Variants in PCDHGC3 observed in about 807,000 individuals in gnomAD.
PCDHGC3 encodes protocadherin gamma-C3.
PCDHGC3 carries 26 observed loss-of-function variants against 59.2 expected under a neutral mutation model. The observed-to-expected ratio is 0.44, with a 90% CI of 0.32 to 0.61. The LOEUF is 0.61. PCDHGC3 is among the 20% of genes least tolerant of loss of function. PCDHGC3 has a pLI of 0.05. For missense variants in PCDHGC3, 1,080 were observed against 1,221.8 expected (o/e 0.88, Z 1.73); for synonymous variants, 487 against 519.7 (o/e 0.94, Z 0.86).
At chr5:141,501,516 C>A (rs763346187) in intron 2 of PCDHGC3, among the ~76,000 whole-genome samples, 1 of 152,010 alleles carries the variant, frequency 6.6e-6, no homozygotes, top group Non-Finnish European at 1.5e-5. Flanking sequence ...GGCCTCCAAG[C>A]TGAAGCCCAG....
chr5:141,481,257 A>T (rs2099534664), intron 1 of PCDHGC3, among the ~76,000 whole-genome samples: 1 of 152,172 alleles, frequency 6.6e-6, no homozygotes, highest in African/African-American at 2.4e-5. Context: ...GCTCTAAAAG[A>T]TCACTGTAGG....
In PCDHGC3 at chr5:141,491,925, G is replaced by A. The variant is rs1019181943; in HGVS notation, c.2431-2882G>A. 5 of 1,325,176 alleles carry A rather than the reference G, an allele frequency of 3.8e-6. No homozygotes were observed. In the Admixed American group the frequency reaches 1.5e-4, roughly 39 times the overall value. 82.1% of individuals were successfully genotyped at this position (1,325,176 alleles called of 1,614,324 possible). A position where few individuals can be genotyped will look rare whatever the true frequency, so the allele number is the denominator to read the frequency against. On this transcript the variant is annotated intron_variant, in intron 1 of 3. Coordinates refer to ENST00000308177, the MANE Select transcript of PCDHGC3 (RefSeq NM_002588.4). The surrounding 1 kb of genome is among the most constrained non-coding windows in gnomAD (Gnocchi z 6.9). ...GGGTGGTGGCGACTGTGGGCGAGGG[G>A]AGGTGGGACCGACCCCCACCCCTAC...
At position 141,491,658 on chromosome 5, in the gene PCDHGC3, C is replaced by A; in HGVS notation, c.2431-3149C>A. 1 of 1,613,822 alleles carries A rather than the reference C, an allele frequency of 6.2e-7. No homozygotes were observed. The highest frequency in any genetic ancestry group is 8.5e-7 in the Non-Finnish European group (1 of 1,180,016). On this transcript the variant is annotated intron_variant, in intron 1 of 3. Coordinates refer to ENST00000308177, the MANE Select transcript of PCDHGC3 (RefSeq NM_002588.4). The surrounding 1 kb of genome is among the most constrained non-coding windows in gnomAD (Gnocchi z 6.9). ...CCACAGCTCTGGCGCTGGAGCCTGA[C>A]GCCATCCGGTCCCGCTCTAATACGC... is the stretch of plus-strand genomic sequence containing the variant.
In PCDHGC3 at chr5:141,493,668, GC is replaced by G. The variant is rs1178535601; in HGVS notation, c.2431-1135del. On this transcript the variant is annotated intron_variant, in intron 1 of 3. Coordinates refer to ENST00000308177, the MANE Select transcript of PCDHGC3 (RefSeq NM_002588.4). This position sits in a 1 kb window ranked among gnomAD's most constrained non-coding sequence, Gnocchi z 4.3. ...CATCCCTGTGCCCTTCTCCATGGCAGCCCCAGAATGGTGCTGGTGACTCCCG... is the reference window on the plus strand; with the variant it reads ...CATCCCTGTGCCCTTCTCCATGGCAGCCCAGAATGGTGCTGGTGACTCCCG... Among the ~76,000 whole-genome samples the G allele has an allele frequency of 6.6e-6, 1 of 152,140 alleles. No individual in the cohort carries two copies. The highest frequency in any genetic ancestry group is 2.4e-5 in the African/African-American group (1 of 41,422).
rs1292747996 is a variant in PCDHGC3, at chr5:141,475,972, T to C, written c.-145T>C. 2.0e-5 allele frequency: 19 copies of C among 963,712 alleles called. No individual in the cohort carries two copies. In the East Asian group the frequency reaches 3.4e-4, roughly 17 times the overall value. The allele number at this position is 963,712 out of a possible 1,614,324, so 59.7% of individuals were successfully genotyped here. A position where few individuals can be genotyped will look rare whatever the true frequency, so the allele number is the denominator to read the frequency against. ...CTGCGCCCCGGGATGAGGCAGAGAC[T>C]GAACAGCCGGCGAGCAAATCAACGG... On this transcript the variant is annotated 5_prime_UTR_variant, in exon 1 of 4. Transcript: ENST00000308177.
Position 141,491,574 on chromosome 5 carries a change from T to G in PCDHGC3, c.2431-3233T>G. Reference sequence around the variant, plus strand: ...AGAGCCACTGCTACAGGACGTGCTTTTCACCGGCCTCGGACGGCAGTGACT... The same window carrying G: ...AGAGCCACTGCTACAGGACGTGCTTGTCACCGGCCTCGGACGGCAGTGACT... On this transcript the variant is annotated intron_variant, in intron 1 of 3. Transcript: ENST00000308177. This position sits in a 1 kb window ranked among gnomAD's most constrained non-coding sequence, Gnocchi z 6.9. The G allele has an allele frequency of 6.2e-7, 1 of 1,613,956 alleles. No homozygotes were observed. Among genetic ancestry groups the G allele is most frequent in the Non-Finnish European group, 8.5e-7 (1 of 1,180,032 alleles).
At chr5:141,481,703 C>T (rs909197135) in intron 1 of PCDHGC3, among the ~76,000 whole-genome samples, 1 of 152,090 alleles carries the variant, frequency 6.6e-6, no homozygotes, top group Admixed American at 6.5e-5. Context: ...CCTGTAATCC[C>T]AGCACTTTGG....
In PCDHGC3 at chr5:141,511,406, G is replaced by C; in HGVS notation, c.*233G>C. The C allele has an allele frequency of 1.1e-6, 1 of 942,018 alleles. No individual in the cohort carries two copies. The highest frequency in any genetic ancestry group is 1.7e-5 in the African/African-American group (1 of 60,280). The allele number at this position is 942,018 out of a possible 1,614,324, so 58.4% of individuals were successfully genotyped here. ...GCTGGGAACCCCCATCCAATCAACT[G>C]CTGTACCCATGGGGGTAGTGGGGTT... On this transcript the variant is annotated 3_prime_UTR_variant, in exon 4 of 4. Coordinates refer to ENST00000308177, the MANE Select transcript of PCDHGC3 (RefSeq NM_002588.4).
intron 3 of PCDHGC3, among the ~76,000 whole-genome samples, chr5:141,509,068 G>A (rs1267011061): frequency 6.6e-6 from 1 of 152,144 alleles, no homozygotes; most frequent in Non-Finnish European, 1.5e-5. Flanking sequence ...TCTCAGCTCC[G>A]GGGATTTGCG....
chr5:141,491,483 A>ACCTGCAGGTGAGCTCGG lies in PCDHGC3; in HGVS notation c.2431-3323_2431-3307dup. The ACCTGCAGGTGAGCTCGG allele has an allele frequency of 3.1e-6, 5 of 1,614,018 alleles. No individual in the cohort carries two copies. The highest frequency in any genetic ancestry group is 4.2e-6 in the Non-Finnish European group (5 of 1,180,012). ...GACTTCTATAAGCAGTCCAGCCCCAACCTGCAGGTGAGCTCGGACGGCACG... is the reference window on the plus strand; with the variant it reads ...GACTTCTATAAGCAGTCCAGCCCCAACCTGCAGGTGAGCTCGGCCTGCAGGTGAGCTCGGACGGCACG... On this transcript the variant is annotated intron_variant, in intron 1 of 3. Coordinates refer to ENST00000308177, the MANE Select transcript of PCDHGC3 (RefSeq NM_002588.4). The surrounding 1 kb of genome is among the most constrained non-coding windows in gnomAD (Gnocchi z 6.9).
chr5:141,507,901 G>T (rs1332204823), intron 3 of PCDHGC3, among the ~76,000 whole-genome samples: 1 of 152,216 alleles, frequency 6.6e-6, no homozygotes, highest in Non-Finnish European at 1.5e-5. Flanking sequence ...CTGAAGTCCA[G>T]CCCAGCCAGG....
At position 141,490,006 on chromosome 5, in the gene PCDHGC3, C is replaced by T; in HGVS notation, c.2431-4801C>T. The stretch of plus-strand genomic sequence containing the variant: ...ACGTGTGGGAATCCCAGAGAATGCA[C>T]CCATTGGTACTCTGCTGCTCCGCCT... On this transcript the variant is annotated intron_variant, in intron 1 of 3. Coordinates refer to ENST00000308177, the MANE Select transcript of PCDHGC3 (RefSeq NM_002588.4). This position sits in a 1 kb window ranked among gnomAD's most constrained non-coding sequence, Gnocchi z 5.4. 2 of 1,614,222 alleles carry T rather than the reference C, an allele frequency of 1.2e-6. No homozygotes were observed. The highest frequency in any genetic ancestry group is 1.7e-6 in the Non-Finnish European group (2 of 1,180,010).
intron 1 of PCDHGC3, 82 bp downstream of exon 1, chr5:141,478,628 T>G (rs1245431927): frequency 6.4e-7 from 1 of 1,553,704 alleles, no homozygotes; most frequent in African/African-American, 1.4e-5. Context: ...GAGCTGTTTT[T>G]TTAGTGATGA....
chr5:141,477,890 C>T lies in PCDHGC3; in HGVS notation c.1774C>T (p.Arg592Trp), dbSNP rs202114426. ...TACCTCAGCTGGCCACCTAGTGTCA[C>T]GGGTGGTAGGCTGGGACGCGGATGC... is the stretch of plus-strand genomic sequence containing the variant. ...RGTSAGHLVS[R>W]VVGWDADAGH... Residue 592 changes from arginine (R) to tryptophan (W), a missense_variant, in exon 1 of 4, where the codon CGG (arginine) becomes TGG (tryptophan). Coordinates refer to ENST00000308177, the MANE Select transcript of PCDHGC3 (RefSeq NM_002588.4). This position sits in a 1 kb window ranked among gnomAD's most constrained non-coding sequence, Gnocchi z 4.9. 9.9e-6 allele frequency: 16 copies of T among 1,614,086 alleles called. No individual in the cohort carries two copies. Among genetic ancestry groups the T allele is most frequent in the Admixed American group, 1.7e-5 (1 of 60,006 alleles).
Position 141,485,220 on chromosome 5 carries a change from C to T in PCDHGC3, c.2430+6674C>T. The T allele has an allele frequency of 6.2e-7, 1 of 1,614,192 alleles. No homozygotes were observed. The highest frequency in any genetic ancestry group is 8.5e-7 in the Non-Finnish European group (1 of 1,180,024). On this transcript the variant is annotated intron_variant, in intron 1 of 3. Transcript: ENST00000308177. This position sits in a 1 kb window ranked among gnomAD's most constrained non-coding sequence, Gnocchi z 5.7. ...TGGACAGAAATCTGGCGGTGGGCTA[C>T]CCTTTTGTTCCTCTTTTACCACCTG... is the stretch of plus-strand genomic sequence containing the variant.
At position 141,476,638 on chromosome 5, in the gene PCDHGC3, G is replaced by A. The variant is rs997136356; in HGVS notation, c.522G>A (p.Leu174=). Residue 174 remains leucine (L), a synonymous_variant, in exon 1 of 4, where the codon CTG becomes CTA. Transcript: ENST00000308177. This position sits in a 1 kb window ranked among gnomAD's most constrained non-coding sequence, Gnocchi z 7.6. The part of the protein sequence containing the change: ...VGSNSLQTYE[L]SRNEYFALRV... ...GCAACTCTTTACAAACCTATGAGCT[G>A]AGCCGAAATGAATACTTTGCGCTTC... 1.9e-6 allele frequency: 3 copies of A among 1,614,268 alleles called. No homozygotes were observed. Among genetic ancestry groups the A allele is most frequent in the Middle Eastern group, 1.6e-4 (1 of 6,062 alleles).
chr5:141,478,239 C>G lies in PCDHGC3; in HGVS notation c.2123C>G (p.Thr708Arg). 1 of 1,614,132 alleles carries G rather than the reference C, an allele frequency of 6.2e-7. No homozygotes were observed. Residue 708 changes from threonine to arginine, a missense_variant, in exon 1 of 4, where the codon ACA (threonine) becomes AGA (arginine). By Grantham distance (71) the Thr-to-Arg change is moderately conservative (BLOSUM62 -1). Transcript: ENST00000308177. ...LILVSVGFVV[T>R]VFGVIIFKVY... ...CTGGTTTCTGTGGGGTTTGTGGTCA[C>G]AGTGTTCGGAGTAATCATATTCAAA...
Position 141,512,160 on chromosome 5 carries a change from G to A in PCDHGC3, c.*987G>A, listed in dbSNP as rs1227447365. On this transcript the variant is annotated 3_prime_UTR_variant, in exon 4 of 4. Coordinates refer to ENST00000308177, the MANE Select transcript of PCDHGC3 (RefSeq NM_002588.4). ...CAGCCAGCTTTGGGCTGAGCTAACA[G>A]GACCAATGGATTAAACTGGCATTTC... 1 of 152,730 alleles carries A rather than the reference G, an allele frequency of 6.5e-6. No individual in the cohort carries two copies. Among genetic ancestry groups the A allele is most frequent in the African/African-American group, 2.4e-5 (1 of 41,456 alleles). The allele number at this position is 152,730 out of a possible 1,614,324, so 9.5% of individuals were successfully genotyped here.
intron 2 of PCDHGC3, among the ~76,000 whole-genome samples, chr5:141,499,029 A>G (rs140948405): frequency 1.5e-3 from 205 of 140,068 alleles, no homozygotes; most frequent in African/African-American, 5.5e-3. Context: ...AGGAAGGAAG[A>G]AAAGAAAGAA....
Sources: allele counts gnomAD v4.1 joint callset (sites outside exome capture counted in the v4.1 genomes callset), GRCh38; gene constraint gnomAD v4.1.1; non-coding constraint Gnocchi (gnomAD v3.1); transcripts MANE v1.5; gene names NCBI Gene and HGNC (gene_info 2026-07-23, HGNC 2026-07-21).